Variants in GALNT7 observed in about 807,000 individuals in gnomAD.
GALNT7 encodes polypeptide N-acetylgalactosaminyltransferase 7, also known as N-acetylgalactosaminyltransferase 7.
GALNT7 carries 60 observed loss-of-function variants against 82.1 expected under a neutral mutation model. The ratio of observed to expected loss-of-function variants is 0.73; its 90% CI spans 0.59 to 0.91. The LOEUF (loss-of-function observed/expected upper bound fraction) is 0.91. Among genes scored for constraint, GALNT7 ranks in the 40% least tolerant of loss-of-function variants. The pLI is 0.00. For missense variants in GALNT7, 660 were observed against 804.2 expected, an observed-to-expected ratio of 0.82 and a Z score of 2.17; for synonymous variants, 243 against 275.1, an observed-to-expected ratio of 0.88 and a Z score of 1.15.
chr4:173,301,082 C>T (rs562153468), intron 6 of GALNT7, among the ~76,000 whole-genome samples: 1 of 152,094 alleles, frequency 6.6e-6, no homozygotes, highest in South Asian at 2.1e-4. Context: ...CTGCAGTGAG[C>T]CGCAATCATG....
chr4:173,312,758 C>T (rs553844439), intron 8 of GALNT7, among the ~76,000 whole-genome samples: 2 of 152,302 alleles, frequency 1.3e-5, no homozygotes, highest in African/African-American at 4.8e-5. Context: ...GCTGCTTTTT[C>T]TTAAAGTGAA....
intron 1 of GALNT7, among the ~76,000 whole-genome samples, chr4:173,185,794 G>C (rs1421683862): frequency 6.6e-6 from 1 of 152,148 alleles, no homozygotes; most frequent in Non-Finnish European, 1.5e-5. Context: ...TGCTAGTCAA[G>C]AAAGAGATAA....
intron 1 of GALNT7, among the ~76,000 whole-genome samples, chr4:173,175,875 C>A (rs576614833): frequency 6.6e-6 from 1 of 152,232 alleles, no homozygotes; most frequent in Admixed American, 6.5e-5. Context: ...GAGTTTGAGA[C>A]CAGCCTGGCC....
rs1734739845 is a variant in GALNT7 at position 173,248,449 on chromosome 4, A to G, written c.587+9A>G. On this transcript the variant is annotated intron_variant, in intron 2 of 11. Transcript: ENST00000265000. ...GACTTACGCCAAGAAGAGTAAGCAC[A>G]CATCCTCTTCTTTCTAAAAATGGGG... is the stretch of plus-strand genomic sequence containing the variant. 1.3e-6 allele frequency: 2 copies of G among 1,526,320 alleles called. No individual in the cohort carries two copies. Among genetic ancestry groups the G allele is most frequent in the African/African-American group, 2.8e-5 (2 of 72,722 alleles). 94.5% of individuals were successfully genotyped at this position (1,526,320 alleles called of 1,614,324 possible).
At chr4:173,295,709 A>T in intron 4 of GALNT7, 55 bp from the exon 5 acceptor site, 1 of 1,199,158 alleles carries the variant, frequency 8.3e-7, no homozygotes, top group South Asian at 1.2e-5. Flanking sequence ...ATTGTGTGTA[A>T]TATATGATGT....
At chr4:173,199,974 A>G (rs929831545) in intron 1 of GALNT7, among the ~76,000 whole-genome samples, 1 of 152,198 alleles carries the variant, frequency 6.6e-6, no homozygotes, top group Non-Finnish European at 1.5e-5. Flanking sequence ...GTTTTAGTAC[A>G]TTATTGATCT....
chr4:173,291,325 C>G (rs551513015), intron 2 of GALNT7, among the ~76,000 whole-genome samples: 40 of 152,314 alleles, frequency 2.6e-4, no homozygotes, highest in Non-Finnish European at 4.1e-4. Flanking sequence ...AGAAACATTA[C>G]ATCTTCCTAC....
At chr4:173,271,949 TTTTGGGACA>T (rs1735743092) in intron 2 of GALNT7, among the ~76,000 whole-genome samples, 1 of 152,248 alleles carries the variant, frequency 6.6e-6, no homozygotes, top group African/African-American at 2.4e-5. Context: ...CCATCCTTTA[TTTTGGGACA>T]TTTGGATTAT....
chr4:173,192,095 G>A (rs1732645155), intron 1 of GALNT7, among the ~76,000 whole-genome samples: 1 of 152,154 alleles, frequency 6.6e-6, no homozygotes. Context: ...GTCAGGCTGA[G>A]GGAGAAGTGT....
chr4:173,316,691 G>A (rs1737617817), intron 9 of GALNT7: 1 of 152,162 alleles, frequency 6.6e-6, no homozygotes, highest in Non-Finnish European at 1.5e-5. Flanking sequence ...TCCTTTTACT[G>A]TCTCACTCCC....
intron 2 of GALNT7, among the ~76,000 whole-genome samples, chr4:173,258,211 T>C (rs1735115883): frequency 6.6e-6 from 1 of 152,166 alleles, no homozygotes; most frequent in Non-Finnish European, 1.5e-5. Flanking sequence ...TAGAGTTTGG[T>C]TGGTTCTTGA....
chr4:173,275,780 A>T (rs1481158037), intron 2 of GALNT7, among the ~76,000 whole-genome samples: 1 of 152,200 alleles, frequency 6.6e-6, no homozygotes, highest in African/African-American at 2.4e-5. Flanking sequence ...AAAAGTTCAG[A>T]TGCAGTAACC....
intron 5 of GALNT7, 148 bp from the exon 6 acceptor site, chr4:173,297,967 G>T: frequency 6.8e-7 from 1 of 1,480,722 alleles, no homozygotes. Context: ...ACATAAAACT[G>T]AACCTTATCG....
chr4:173,180,326 C>CTT (rs10687213), intron 1 of GALNT7, among the ~76,000 whole-genome samples: 26,275 of 123,064 alleles, frequency 0.21, 3,458 homozygotes, highest in African/African-American at 0.29. Flanking sequence ...ATTGGAGTTC[C>CTT]TTTTTTTTTT....
At position 173,248,349 on chromosome 4, in the gene GALNT7, A is replaced by G; in HGVS notation, c.496A>G (p.Ile166Val). Reference sequence around the variant, plus strand: ...TTTGGGACCAGAATTCAAACAAGCAATTCAAGCCAGCATTAAAGAGTTTGG... The same window carrying G: ...TTTGGGACCAGAATTCAAACAAGCAGTTCAAGCCAGCATTAAAGAGTTTGG... The part of the protein sequence containing the change: ...LVLGPEFKQA[I>V]QASIKEFGFN... The change falls in exon 2 of 12, where the codon ATT becomes GTT. Residue 166 changes from isoleucine to valine, a missense_variant. By Grantham distance (29) the Ile-to-Val change is conservative. This residue lies in a region of GALNT7 where 527 missense variants were observed against 683.5 expected (regional missense o/e 0.77). Coordinates refer to ENST00000265000, the MANE Select transcript of GALNT7 (RefSeq NM_017423.3). The G allele has an allele frequency of 6.2e-6, 10 of 1,613,872 alleles. No individual in the cohort carries two copies. Among genetic ancestry groups the G allele is most frequent in the Non-Finnish European group, 7.6e-6 (9 of 1,179,802 alleles).
intron 1 of GALNT7, among the ~76,000 whole-genome samples, chr4:173,244,027 A>G (rs985403425): frequency 1.3e-5 from 2 of 152,328 alleles, no homozygotes; most frequent in East Asian, 3.9e-4. Flanking sequence ...TAGCCTCTGC[A>G]CTTTCACAGA....
At chr4:173,262,178 C>G (rs1350284498) in intron 2 of GALNT7, among the ~76,000 whole-genome samples, 2 of 151,986 alleles carry the variant, frequency 1.3e-5, no homozygotes, top group African/African-American at 2.4e-5. Context: ...AAGGGGGGAG[C>G]ATTTTAATAG....
chr4:173,178,043 GTGTGTGT>G (rs1561142050), intron 1 of GALNT7, among the ~76,000 whole-genome samples: 1 of 123,782 alleles, frequency 8.1e-6, no homozygotes, highest in African/African-American at 3.5e-5. Flanking sequence ...GTGTGTGTGT[GTGTGTGT>G]GTGCGCGCAC....
chr4:173,210,669 C>T (rs937114488), intron 1 of GALNT7, among the ~76,000 whole-genome samples: 2 of 152,022 alleles, frequency 1.3e-5, no homozygotes, highest in Non-Finnish European at 1.5e-5. Flanking sequence ...TGGGCTCAAG[C>T]GATCCGCCCA....
Sources: gnomAD v4.1 joint callset for allele counts (sites outside exome capture counted in the v4.1 genomes callset) on GRCh38, gnomAD v4.1.1 for gene constraint, gnomAD v4.1.1 regional missense constraint, MANE v1.5 for transcripts, NCBI Gene and HGNC (gene_info 2026-07-23, HGNC 2026-07-21) for gene names.